Variants in NKAIN3 observed in about 807,000 individuals in gnomAD.
The protein encoded by NKAIN3 is sodium/potassium-transporting ATPase subunit beta-1-interacting protein 3.
NKAIN3 carries 25 observed loss-of-function variants against 30.2 expected under a neutral mutation model. The observed-to-expected ratio is 0.83, with a 90% CI of 0.60 to 1.16. The LOEUF is 1.16. Among genes scored for constraint, NKAIN3 ranks in the 50% most tolerant of loss-of-function variants. The pLI is 0.00. For missense variants in NKAIN3, 225 were observed against 254.1 expected (o/e 0.89, Z 0.78); for synonymous variants, 91 against 89.6 (o/e 1.02, Z -0.09).
At chr8:62,799,332 T>C (rs1198506099) in intron 4 of NKAIN3, among the ~76,000 whole-genome samples, 1 of 151,880 alleles carries the variant, frequency 6.6e-6, no homozygotes, top group African/African-American at 2.4e-5. Flanking sequence ...TACAAAGAAC[T>C]CAAACAAATC....
At chr8:62,315,065 T>C (rs532824363) in intron 1 of NKAIN3, among the ~76,000 whole-genome samples, 18 of 152,318 alleles carry the variant, frequency 1.2e-4, no homozygotes, top group African/African-American at 4.3e-4. Context: ...GAAGACTTAA[T>C]AGATTTTTTA....
At chr8:62,509,258 C>T (rs1467146597) in intron 1 of NKAIN3, among the ~76,000 whole-genome samples, 1 of 151,976 alleles carries the variant, frequency 6.6e-6, no homozygotes, top group Non-Finnish European at 1.5e-5. Flanking sequence ...GACATTTCTT[C>T]TTCTTATCCC....
At chr8:62,924,630 C>T (rs776225225) in intron 5 of NKAIN3, among the ~76,000 whole-genome samples, 4 of 152,198 alleles carry the variant, frequency 2.6e-5, no homozygotes, top group Non-Finnish European at 5.9e-5. Context: ...TATTCCCTGA[C>T]TCTTCCCTGA....
chr8:62,389,655 T>C (rs956993188), intron 1 of NKAIN3, among the ~76,000 whole-genome samples: 2 of 152,228 alleles, frequency 1.3e-5, no homozygotes, highest in African/African-American at 4.8e-5. Context: ...GTTGCCTATC[T>C]GGGTATAGGA....
intron 3 of NKAIN3, among the ~76,000 whole-genome samples, chr8:62,626,842 A>G (rs866584520): frequency 6.6e-6 from 1 of 152,252 alleles, no homozygotes; most frequent in South Asian, 2.1e-4. Context: ...CTAATTTCAG[A>G]CAGTAAGTCA....
At chr8:62,649,242 A>G (rs1305787613) in intron 3 of NKAIN3, among the ~76,000 whole-genome samples, 1 of 152,154 alleles carries the variant, frequency 6.6e-6, no homozygotes, top group Non-Finnish European at 1.5e-5. Flanking sequence ...AGGTACTTTG[A>G]TTTTCCTGTG....
At chr8:62,361,117 G>T (rs897077424) in intron 1 of NKAIN3, among the ~76,000 whole-genome samples, 1 of 151,920 alleles carries the variant, frequency 6.6e-6, no homozygotes, top group African/African-American at 2.4e-5. Context: ...AGAATCACTG[G>T]TGATTCCTAC....
chr8:62,853,128 C>G (rs1406584994), intron 4 of NKAIN3, among the ~76,000 whole-genome samples: 3 of 152,140 alleles, frequency 2.0e-5, no homozygotes, highest in Non-Finnish European at 2.9e-5. Flanking sequence ...CTTTATGAAT[C>G]TGGGTGCTCC....
chr8:62,990,852 G>C (rs1824306020), intron 5 of NKAIN3: 1 of 152,030 alleles, frequency 6.6e-6, no homozygotes, highest in Admixed American at 6.6e-5. Flanking sequence ...TTACATTATA[G>C]TGCCACAAAA....
chr8:62,735,784 T>C (rs1815642330), intron 3 of NKAIN3, among the ~76,000 whole-genome samples: 1 of 152,150 alleles, frequency 6.6e-6, no homozygotes, highest in African/African-American at 2.4e-5. Flanking sequence ...AGAGGGAAGA[T>C]CTGGGGCTCA....
chr8:62,496,319 C>T (rs1807236529), intron 1 of NKAIN3, among the ~76,000 whole-genome samples: 1 of 152,066 alleles, frequency 6.6e-6, no homozygotes, highest in Admixed American at 6.6e-5. Flanking sequence ...CTTACTGTGG[C>T]TTATGGGGAA....
intron 4 of NKAIN3, among the ~76,000 whole-genome samples, chr8:62,872,280 G>A (rs1443105106): frequency 6.6e-6 from 1 of 152,234 alleles, no homozygotes; most frequent in Non-Finnish European, 1.5e-5. Flanking sequence ...CATGACTAGA[G>A]CATATTTGTA....
intron 1 of NKAIN3, among the ~76,000 whole-genome samples, chr8:62,519,023 G>T (rs1198944194): frequency 6.6e-6 from 1 of 151,944 alleles, no homozygotes; most frequent in Non-Finnish European, 1.5e-5. Context: ...TTCCCTAAGG[G>T]TAAAATAAAT....
intron 1 of NKAIN3, among the ~76,000 whole-genome samples, chr8:62,512,314 C>A (rs1807839369): frequency 6.6e-6 from 1 of 152,084 alleles, no homozygotes; most frequent in Admixed American, 6.5e-5. Context: ...ATCCCAGATA[C>A]CCTCACCCAG....
rs139016602 is a variant in NKAIN3, at chr8:62,509,895, A to G, written c.55-69644A>G. ...TAGGTGCAGGGAAATAATAATAATTAGCATGTGGATCTTGCTTTTGAAAAA... is the reference window on the plus strand; with the variant it reads ...TAGGTGCAGGGAAATAATAATAATTGGCATGTGGATCTTGCTTTTGAAAAA... On this transcript the variant is annotated intron_variant, in intron 1 of 6. Coordinates refer to ENST00000623646, the MANE Select transcript of NKAIN3 (RefSeq NM_001304533.3). 3.4e-3 allele frequency among the ~76,000 whole-genome samples: 521 copies of G among 152,306 alleles called. 2 individuals carry two copies. The highest frequency in any genetic ancestry group is 0.012 in the African/African-American group (502 of 41,588).
At chr8:62,364,201 A>G (rs1311201476) in intron 1 of NKAIN3, among the ~76,000 whole-genome samples, 3 of 152,210 alleles carry the variant, frequency 2.0e-5, no homozygotes, top group Non-Finnish European at 4.4e-5. Flanking sequence ...AAATGAAAGC[A>G]CTGAAACAAA....
intron 3 of NKAIN3, among the ~76,000 whole-genome samples, chr8:62,737,967 A>C (rs913677561): frequency 1.3e-5 from 2 of 152,186 alleles, no homozygotes; most frequent in Non-Finnish European, 2.9e-5. Context: ...ATAGTGCTGC[A>C]ATAAACATAT....
chr8:62,366,406 T>C (rs1345748432), intron 1 of NKAIN3, among the ~76,000 whole-genome samples: 1 of 152,108 alleles, frequency 6.6e-6, no homozygotes, highest in Non-Finnish European at 1.5e-5. Flanking sequence ...TTTGTATTTT[T>C]AGTAGAGACA....
At chr8:62,895,874 C>T (rs922215440) in intron 4 of NKAIN3, among the ~76,000 whole-genome samples, 2 of 152,122 alleles carry the variant, frequency 1.3e-5, no homozygotes, top group African/African-American at 2.4e-5. Context: ...TCTTACGGAG[C>T]TGTCCTTGCT....
Sources: allele counts gnomAD v4.1 joint callset (sites outside exome capture counted in the v4.1 genomes callset), GRCh38; gene constraint gnomAD v4.1.1; transcripts MANE v1.5; gene names NCBI Gene and HGNC (gene_info 2026-07-23, HGNC 2026-07-21).